Variants in AFG1L observed in about 807,000 individuals in gnomAD.
The protein encoded by AFG1L is AFG1-like ATPase.
AFG1L carries 53 observed loss-of-function variants against 62.2 expected under a neutral mutation model. The ratio of observed to expected loss-of-function variants is 0.85; its 90% confidence interval spans 0.68 to 1.07. AFG1L has a LOEUF of 1.07. Ranked by LOEUF, AFG1L falls within the 50% of genes least tolerant of loss-of-function variation. The pLI is 0.00. For missense variants in AFG1L, 555 were observed against 590.5 expected, an observed-to-expected ratio of 0.94 and a Z score of 0.62; for synonymous variants, 228 against 210.3, an observed-to-expected ratio of 1.08 and a Z score of -0.73.
intron 2 of AFG1L, among the ~76,000 whole-genome samples, chr6:108,345,483 C>T (rs571855798): frequency 3.6e-4 from 55 of 152,010 alleles, no homozygotes; most frequent in African/African-American, 1.2e-3. Flanking sequence ...CCTCAGCCTC[C>T]GAAGTAGCTG....
chr6:108,388,492 C>T (rs1780874671), intron 6 of AFG1L, among the ~76,000 whole-genome samples: 1 of 152,156 alleles, frequency 6.6e-6, no homozygotes, highest in Non-Finnish European at 1.5e-5. Context: ...TAGATCTTTC[C>T]TGCTTTCTCC....
rs138076204 is a variant in AFG1L, at chr6:108,300,785, G to A, written c.139+5567G>A. On this transcript the variant is annotated intron_variant, in intron 1 of 12. Transcript: ENST00000368977. ...TCTCACAGGTTCAAGCGATTCTCCT[G>A]CCTCAGCCTCCTGAGCAGCTGGGAC... 3.9e-3 allele frequency among the ~76,000 whole-genome samples: 587 copies of A among 151,594 alleles called. 4 individuals carry two copies. Among genetic ancestry groups the A allele is most frequent in the African/African-American group, 0.012 (506 of 41,316 alleles).
At chr6:108,316,136 C>T (rs1370379109) in intron 1 of AFG1L, among the ~76,000 whole-genome samples, 1 of 151,904 alleles carries the variant, frequency 6.6e-6, no homozygotes, top group Non-Finnish European at 1.5e-5. Flanking sequence ...AATCCCAGCA[C>T]TTTGCGAGGC....
At chr6:108,457,220 T>A (rs1468520924) in intron 8 of AFG1L, among the ~76,000 whole-genome samples, 2 of 152,186 alleles carry the variant, frequency 1.3e-5, no homozygotes, top group Non-Finnish European at 2.9e-5. Flanking sequence ...CCATGTTGTT[T>A]GCTTTTTGTT....
chr6:108,501,555 A>T (rs1325180271), intron 10 of AFG1L, among the ~76,000 whole-genome samples: 2 of 152,208 alleles, frequency 1.3e-5, no homozygotes, highest in African/African-American at 4.8e-5. Flanking sequence ...TGACAAGGAA[A>T]TGTAGCTCCA....
At chr6:108,507,328 AAAC>A (rs200112415) in intron 10 of AFG1L, among the ~76,000 whole-genome samples, 4,173 of 152,348 alleles carry the variant, frequency 0.027, 86 homozygotes, top group Middle Eastern at 0.088. Flanking sequence ...TGAATGTATT[AAAC>A]AACAATTCCG....
intron 1 of AFG1L, among the ~76,000 whole-genome samples, chr6:108,323,327 T>G (rs1487721709): frequency 6.6e-6 from 1 of 152,192 alleles, no homozygotes; most frequent in Non-Finnish European, 1.5e-5. Context: ...GTTTGTTTCC[T>G]TTTGTTAAAA....
At chr6:108,377,593 GGTTTCTGCT>G (rs1224406762) in intron 6 of AFG1L, among the ~76,000 whole-genome samples, 2 of 152,126 alleles carry the variant, frequency 1.3e-5, no homozygotes, top group Non-Finnish European at 2.9e-5. Context: ...TGGTTTGCAA[GGTTTCTGCT>G]GACAGGTCCA....
At chr6:108,494,111 C>T (rs569542183) in intron 10 of AFG1L, among the ~76,000 whole-genome samples, 30 of 152,190 alleles carry the variant, frequency 2.0e-4, no homozygotes, top group East Asian at 7.7e-4. Context: ...TGTGAGTCAC[C>T]ACACCTGGCG....
intron 7 of AFG1L, among the ~76,000 whole-genome samples, chr6:108,434,673 T>G (rs1771228531): frequency 6.6e-6 from 1 of 152,230 alleles, no homozygotes; most frequent in African/African-American, 2.4e-5. Flanking sequence ...CCTAAATCTT[T>G]ACATTACTTC....
chr6:108,401,299 CG>C (rs1215696368), intron 6 of AFG1L, among the ~76,000 whole-genome samples: 1 of 151,680 alleles, frequency 6.6e-6, no homozygotes, highest in Non-Finnish European at 1.5e-5. Flanking sequence ...CCCGCCACCG[CG>C]CCCGGCTAAT....
intron 2 of AFG1L, among the ~76,000 whole-genome samples, chr6:108,325,765 C>T (rs925703542): frequency 1.3e-5 from 2 of 151,932 alleles, no homozygotes; most frequent in Non-Finnish European, 2.9e-5. Context: ...GGATTACAGG[C>T]ATAAGCCACT....
At chr6:108,323,203 G>A (rs1237859948) in intron 1 of AFG1L, among the ~76,000 whole-genome samples, 1 of 152,112 alleles carries the variant, frequency 6.6e-6, no homozygotes. Flanking sequence ...TCTTGCTTTG[G>A]GAAGGAGATG....
chr6:108,505,587 A>T (rs956946277), intron 10 of AFG1L, among the ~76,000 whole-genome samples: 16 of 151,786 alleles, frequency 1.1e-4, no homozygotes, highest in African/African-American at 2.7e-4. Context: ...AACTTTTTTT[A>T]AAAAAAAGTG....
intron 7 of AFG1L, among the ~76,000 whole-genome samples, chr6:108,439,901 C>CA (rs1266580509): frequency 6.6e-6 from 1 of 151,672 alleles, no homozygotes; most frequent in Non-Finnish European, 1.5e-5. Flanking sequence ...GTATTCTTAG[C>CA]AAAAAAAGTT....
At chr6:108,464,281 T>C (rs1431872448) in intron 8 of AFG1L, among the ~76,000 whole-genome samples, 1 of 152,190 alleles carries the variant, frequency 6.6e-6, no homozygotes, top group Non-Finnish European at 1.5e-5. Flanking sequence ...GGAATTTTTG[T>C]TGAGAATTTC....
intron 2 of AFG1L, among the ~76,000 whole-genome samples, chr6:108,331,694 G>A (rs1015324085): frequency 2.6e-5 from 4 of 152,160 alleles, no homozygotes; most frequent in African/African-American, 4.8e-5. Flanking sequence ...GGCATAAATG[G>A]TAAGTAGTTC....
intron 2 of AFG1L, among the ~76,000 whole-genome samples, chr6:108,325,266 G>T (rs1459442349): frequency 6.6e-6 from 1 of 152,106 alleles, no homozygotes; most frequent in Non-Finnish European, 1.5e-5. Context: ...CAGCTGGGGA[G>T]AGCGATGTCC....
At chr6:108,470,701 A>G (rs1041018382) in intron 8 of AFG1L, among the ~76,000 whole-genome samples, 2 of 152,188 alleles carry the variant, frequency 1.3e-5, no homozygotes, top group African/African-American at 4.8e-5. Context: ...TGTAGTAGTT[A>G]ACCATTATTA....
Sources: allele counts gnomAD v4.1 joint callset (sites outside exome capture counted in the v4.1 genomes callset), GRCh38; gene constraint gnomAD v4.1.1; transcripts MANE v1.5; gene names NCBI Gene and HGNC (gene_info 2026-07-23, HGNC 2026-07-21).